PLEKHG3: variants seen among roughly 807,000 people sequenced by gnomAD.
PLEKHG3 encodes pleckstrin homology and RhoGEF domain containing G3.
In PLEKHG3, 62 loss-of-function variants were observed where a neutral mutation model predicts 94.9. That is an observed-to-expected ratio of 0.65 (90% CI 0.53 to 0.81). The LOEUF (loss-of-function observed/expected upper bound fraction) is 0.81, where lower values mean the gene tolerates loss of function less well. Among genes scored for constraint, PLEKHG3 ranks in the 30% least tolerant of loss-of-function variants. PLEKHG3 has a pLI of 0.00. For synonymous variants in PLEKHG3, 614 were observed against 654.0 expected, an observed-to-expected ratio of 0.94 and a Z score of 0.93; for missense variants, 1,461 against 1,619.3, an observed-to-expected ratio of 0.90 and a Z score of 1.68.
At position 64,727,538 on chromosome 14, in the gene PLEKHG3, T is replaced by G; in HGVS notation, c.-39-55T>G. On this transcript the variant is annotated intron_variant, in intron 1 of 16. Transcript: ENST00000247226. This position sits in a 1 kb window ranked among gnomAD's most constrained non-coding sequence, Gnocchi z 6.0. The stretch of plus-strand genomic sequence containing the variant: ...CCCACCCCTGGCAACCGTCCCTCTG[T>G]TCTGTTTCTGTGGGCATTCAGAGGT... 2.1e-6 allele frequency: 1 copy of G among 473,210 alleles called. No individual in the cohort carries two copies. Among genetic ancestry groups the G allele is most frequent in the South Asian group, 1.9e-5 (1 of 52,730 alleles). The allele number at this position is 473,210 out of a possible 1,614,324, so 29.3% of individuals were successfully genotyped here.
chr14:64,732,673 G>A lies in PLEKHG3; in HGVS notation c.1247-130G>A. ...GCCTGAAGCTCCCAGCTGGAAGATGGAGGGAGCTCTGGAGGCTCCTGGCCC... is the reference window on the plus strand; with the variant it reads ...GCCTGAAGCTCCCAGCTGGAAGATGAAGGGAGCTCTGGAGGCTCCTGGCCC... On this transcript the variant is annotated intron_variant, in intron 11 of 16. Coordinates refer to ENST00000247226, the MANE Select transcript of PLEKHG3 (RefSeq NM_001308147.2). The surrounding 1 kb of genome is among the most constrained non-coding windows in gnomAD (Gnocchi z 4.9). 1 of 764,192 alleles carries A rather than the reference G, an allele frequency of 1.3e-6. No individual in the cohort carries two copies. The highest frequency in any genetic ancestry group is 2.2e-6 in the Non-Finnish European group (1 of 455,534). The allele number at this position is 764,192 out of a possible 1,614,324, so 47.3% of individuals were successfully genotyped here. A position where few individuals can be genotyped will look rare whatever the true frequency, so the allele number is the denominator to read the frequency against.
intron 3 of PLEKHG3, 110 bp downstream of exon 3, chr14:64,729,203 T>A: frequency 1.7e-6 from 1 of 574,118 alleles, no homozygotes; most frequent in African/African-American, 1.9e-5. Flanking sequence ...CATGTGGGCC[T>A]GGGGCCTGAT....
In PLEKHG3 at chr14:64,716,936, A is replaced by G. The variant is rs2081175320; in HGVS notation, c.-39-10657A>G. Among the ~76,000 whole-genome samples, 1 of 152,160 alleles carries G rather than the reference A, an allele frequency of 6.6e-6. No homozygotes were observed. Among genetic ancestry groups the G allele is most frequent in the South Asian group, 2.1e-4 (1 of 4,834 alleles). ...GGAAGTGCCCCTCCTCTACCCAGGAACTGGTTGGATGAGTTTCTTAGGCGT... is the reference window on the plus strand; with the variant it reads ...GGAAGTGCCCCTCCTCTACCCAGGAGCTGGTTGGATGAGTTTCTTAGGCGT... On this transcript the variant is annotated intron_variant, in intron 1 of 16. Transcript: ENST00000247226. This position sits in a 1 kb window ranked among gnomAD's most constrained non-coding sequence, Gnocchi z 5.0.
At chr14:64,708,776 A>G (rs1454090210) in intron 1 of PLEKHG3, among the ~76,000 whole-genome samples, 1 of 151,980 alleles carries the variant, frequency 6.6e-6, no homozygotes, top group Non-Finnish European at 1.5e-5. Context: ...GCAGTGGAGG[A>G]TGAGGCCTAG....
rs984807966 is a variant in PLEKHG3 at position 64,716,961 on chromosome 14, T to C, written c.-39-10632T>C. The stretch of plus-strand genomic sequence containing the variant: ...ACTGGTTGGATGAGTTTCTTAGGCG[T>C]CTCTGGTGAGGCCCCTTAGTAGGGG... On this transcript the variant is annotated intron_variant, in intron 1 of 16. Coordinates refer to ENST00000247226, the MANE Select transcript of PLEKHG3 (RefSeq NM_001308147.2). The surrounding 1 kb of genome is among the most constrained non-coding windows in gnomAD (Gnocchi z 5.0). Among the ~76,000 whole-genome samples, 2 of 152,104 alleles carry C rather than the reference T, an allele frequency of 1.3e-5. No individual in the cohort carries two copies. The highest frequency in any genetic ancestry group is 2.9e-5 in the Non-Finnish European group (2 of 68,014).
chr14:64,711,857 A>G (rs915512961), intron 1 of PLEKHG3, among the ~76,000 whole-genome samples: 5 of 152,180 alleles, frequency 3.3e-5, no homozygotes, highest in Non-Finnish European at 7.4e-5. Flanking sequence ...ATGAAGTACA[A>G]TTTATTTTTT....
At position 64,750,168 on chromosome 14, in the gene PLEKHG3, G is replaced by A. The variant is rs769817020; in HGVS notation, c.*6465G>A. ...TTGTTCCAGGACCTGCAAAGATGCA[G>A]ACAGGCAGGTCACCCACATCCTGAT... On this transcript the variant is annotated 3_prime_UTR_variant, in exon 17 of 17. Coordinates refer to ENST00000247226, the MANE Select transcript of PLEKHG3 (RefSeq NM_001308147.2). 1 of 1,608,842 alleles carries A rather than the reference G, an allele frequency of 6.2e-7. No homozygotes were observed. The highest frequency in any genetic ancestry group is 8.5e-7 in the Non-Finnish European group (1 of 1,175,682).
In PLEKHG3 at chr14:64,731,345, G is replaced by T; in HGVS notation, c.850-16G>T. 6.2e-7 allele frequency: 1 copy of T among 1,610,170 alleles called. No homozygotes were observed. The highest frequency in any genetic ancestry group is 8.5e-7 in the Non-Finnish European group (1 of 1,177,842). On this transcript the variant is annotated splice_polypyrimidine_tract_variant and intron_variant, in intron 7 of 16. Coordinates refer to ENST00000247226, the MANE Select transcript of PLEKHG3 (RefSeq NM_001308147.2). This position sits in a 1 kb window ranked among gnomAD's most constrained non-coding sequence, Gnocchi z 6.1. The stretch of plus-strand genomic sequence containing the variant: ...CCAGTGGCCTGACTCTAGGGATTGG[G>T]GCCCCTCTGCTGCAGGAGATTCAGT...
rs540843892 is a variant in PLEKHG3, at chr14:64,723,895, C to T, written c.-39-3698C>T. ...TGGAAGAGGTCATGGCTGGGGCATA[C>T]TTAAGAGAACTGGAGACCCGTATGT... On this transcript the variant is annotated intron_variant, in intron 1 of 16. Transcript: ENST00000247226. The surrounding 1 kb of genome is among the most constrained non-coding windows in gnomAD (Gnocchi z 4.5). 1 of 152,182 alleles carries T rather than the reference C, an allele frequency of 6.6e-6. No individual in the cohort carries two copies. Among genetic ancestry groups the T allele is most frequent in the East Asian group, 1.9e-4 (1 of 5,194 alleles). 9.4% of individuals were successfully genotyped at this position (152,182 alleles called of 1,614,324 possible). A position where few individuals can be genotyped will look rare whatever the true frequency, so the allele number is the denominator to read the frequency against.
intron 13 of PLEKHG3, 79 bp downstream of exon 13, chr14:64,736,970 G>A: frequency 9.5e-7 from 1 of 1,053,308 alleles, no homozygotes; most frequent in South Asian, 1.3e-5. Flanking sequence ...ACAACCTGGG[G>A]TGTGACCTGA....
chr14:64,733,702 A>T (rs2139387017), intron 12 of PLEKHG3, among the ~76,000 whole-genome samples: 1 of 152,370 alleles, frequency 6.6e-6, no homozygotes, highest in East Asian at 1.9e-4. Context: ...TTTGGGTCTC[A>T]GGAAAAGGTT....
chr14:64,732,386 C>T lies in PLEKHG3; in HGVS notation c.1213-41C>T. On this transcript the variant is annotated intron_variant, in intron 10 of 16. Transcript: ENST00000247226. The surrounding 1 kb of genome is among the most constrained non-coding windows in gnomAD (Gnocchi z 4.9). Reference sequence around the variant, plus strand: ...GTCCTATGGGCAGGGAAGGCCGGCACATGGTAAGGTAATAACCAGGTGTGT... The same window carrying T: ...GTCCTATGGGCAGGGAAGGCCGGCATATGGTAAGGTAATAACCAGGTGTGT... 1.3e-6 allele frequency: 2 copies of T among 1,592,778 alleles called. No homozygotes were observed. The highest frequency in any genetic ancestry group is 1.7e-6 in the Non-Finnish European group (2 of 1,160,576).
intron 13 of PLEKHG3, 122 bp from the exon 14 acceptor site, chr14:64,737,234 G>T: frequency 1.3e-6 from 1 of 746,728 alleles, no homozygotes; most frequent in Non-Finnish European, 2.4e-6. Flanking sequence ...GGGAGCAGGA[G>T]CCCCCAGTGA....
Position 64,743,259 on chromosome 14 carries a change from C to T in PLEKHG3, c.3216C>T (p.Arg1072=), listed in dbSNP as rs377535941. 179 of 1,605,860 alleles carry T rather than the reference C, an allele frequency of 1.1e-4. No individual in the cohort carries two copies. Among genetic ancestry groups the T allele is most frequent in the Non-Finnish European group, 1.4e-4 (164 of 1,178,512 alleles). The change falls in exon 17 of 17, where the codon CGC becomes CGT. Residue 1072 remains arginine (R), a synonymous_variant. Transcript: ENST00000247226. This position sits in a 1 kb window ranked among gnomAD's most constrained non-coding sequence, Gnocchi z 7.2. The part of the protein sequence containing the change: ...EARRAGGGRP[R]GPPVNRSHSV... ...GCCGAGCAGGGGGCGGCCGGCCCCG[C>T]GGCCCACCCGTCAACAGGAGCCACT... is the stretch of plus-strand genomic sequence containing the variant.
In PLEKHG3 at chr14:64,743,378, C is replaced by T; in HGVS notation, c.3335C>T (p.Ala1112Val). The change falls in exon 17 of 17, where the codon GCT (alanine) becomes GTT (valine). Residue 1112 changes from alanine (A) to valine (V), a missense_variant. By Grantham distance (64) the Ala-to-Val change is moderately conservative. This residue lies in a region of PLEKHG3 where 1,201 missense variants were observed against 1,295.5 expected (regional missense o/e 0.93). Coordinates refer to ENST00000247226, the MANE Select transcript of PLEKHG3 (RefSeq NM_001308147.2). This position sits in a 1 kb window ranked among gnomAD's most constrained non-coding sequence, Gnocchi z 7.2. ...AAGAGGGGCCGGGGAGGCGGAGAGG[C>T]TGCCCAATCCCCTGGGCCTCTGCCC... Reference protein sequence around the residue: ...STKRGRGGGEAAQSPGPLPQS... With the variant: ...STKRGRGGGEVAQSPGPLPQS... The T allele has an allele frequency of 1.9e-6, 3 of 1,607,654 alleles. No homozygotes were observed. The highest frequency in any genetic ancestry group is 8.5e-7 in the Non-Finnish European group (1 of 1,176,488).
Position 64,732,178 on chromosome 14 carries a change from G to A in PLEKHG3, c.1209G>A (p.Gln403=). The change falls in exon 10 of 17, where the codon CAG becomes CAA. Residue 403 remains glutamine (Q), a synonymous_variant. Coordinates refer to ENST00000247226, the MANE Select transcript of PLEKHG3 (RefSeq NM_001308147.2). This position sits in a 1 kb window ranked among gnomAD's most constrained non-coding sequence, Gnocchi z 4.9. Reference sequence around the variant, plus strand: ...AGAACCACCATGCCACCATTCCCCAGAAGGTGAGTTCCCCCAGCTCCTGAC... The same window carrying A: ...AGAACCACCATGCCACCATTCCCCAAAAGGTGAGTTCCCCCAGCTCCTGAC... ...ILENHHATIP[Q]KAKEAILEMD... is the part of the protein sequence containing the mutation. 3 of 1,612,218 alleles carry A rather than the reference G, an allele frequency of 1.9e-6. No individual in the cohort carries two copies. Among genetic ancestry groups the A allele is most frequent in the Non-Finnish European group, 2.5e-6 (3 of 1,178,336 alleles).
At position 64,746,212 on chromosome 14, in the gene PLEKHG3, C is replaced by T. The variant is rs529872753; in HGVS notation, c.*2509C>T. On this transcript the variant is annotated 3_prime_UTR_variant, in exon 17 of 17. Transcript: ENST00000247226. The surrounding 1 kb of genome is among the most constrained non-coding windows in gnomAD (Gnocchi z 4.9). ...GAGAATCTGGCTGTCCCTCTGTCTC[C>T]ATGGTGCCAGCCCTCTTAGGCTCAG... 49 of 152,334 alleles carry T rather than the reference C, an allele frequency of 3.2e-4. No homozygotes were observed. Among genetic ancestry groups the T allele is most frequent in the African/African-American group, 1.1e-3 (44 of 41,588 alleles). The allele number at this position is 152,334 out of a possible 1,614,324, so 9.4% of individuals were successfully genotyped here.
intron 1 of PLEKHG3, among the ~76,000 whole-genome samples, chr14:64,705,942 C>T (rs1257932243): frequency 6.6e-6 from 1 of 152,206 alleles, no homozygotes; most frequent in Admixed American, 6.5e-5. Flanking sequence ...TCGACACCTG[C>T]TGTCCTCCAC....
chr14:64,742,221 C>A lies in PLEKHG3; in HGVS notation c.2704C>A (p.Pro902Thr). ...SSSTQGELVA[P>T]LHPRIVQLSH... ...CAGTACCCAGGGGGAGCTGGTGGCC[C>A]CACTGCACCCCCGCATCGTGCAGCT... The change falls in exon 16 of 17, where the codon CCA becomes ACA. Residue 902 changes from proline (P) to threonine (T), a missense_variant. Physicochemically the swap from Pro to Thr is conservative, Grantham distance 38. This residue lies in a region of PLEKHG3 where 1,201 missense variants were observed against 1,295.5 expected (regional missense o/e 0.93). Transcript: ENST00000247226. 6.2e-7 allele frequency: 1 copy of A among 1,612,980 alleles called. No individual in the cohort carries two copies. The highest frequency in any genetic ancestry group is 8.5e-7 in the Non-Finnish European group (1 of 1,179,926).
Sources: allele counts gnomAD v4.1 joint callset (sites outside exome capture counted in the v4.1 genomes callset), GRCh38; gene constraint gnomAD v4.1.1; regional missense constraint gnomAD v4.1.1; non-coding constraint Gnocchi (gnomAD v3.1); transcripts MANE v1.5; gene names NCBI Gene and HGNC (gene_info 2026-07-23, HGNC 2026-07-21).